DNAH2: variants seen among roughly 807,000 people sequenced by gnomAD.
DNAH2 encodes the protein dynein axonemal heavy chain 2.
Under a neutral mutation model 523.5 loss-of-function variants are expected in DNAH2, and 323 were observed. The ratio of observed to expected loss-of-function variants is 0.62; its 90% confidence interval spans 0.56 to 0.68. The LOEUF is 0.68. DNAH2 is among the 30% of genes least tolerant of loss of function. The pLI, the probability that DNAH2 is intolerant of heterozygous loss-of-function variation, is 0.00. For missense variants in DNAH2, 4,907 were observed against 5,701.5 expected, an observed-to-expected ratio of 0.86 and a Z score of 4.49; for synonymous variants, 2,093 against 2,177.4, an observed-to-expected ratio of 0.96 and a Z score of 1.08.
chr17:7,760,942 G>A lies in DNAH2; in HGVS notation c.2978+10G>A. Reference sequence around the variant, plus strand: ...TTGCCGACATTGCCCGGTGAGTGGTGAGGGTGGATTGAAAGTCTGTCTGTA... The same window carrying A: ...TTGCCGACATTGCCCGGTGAGTGGTAAGGGTGGATTGAAAGTCTGTCTGTA... On this transcript the variant is annotated intron_variant, in intron 18 of 85. Transcript: ENST00000572933. This position sits in a 1 kb window ranked among gnomAD's most constrained non-coding sequence, Gnocchi z 4.0. 6.2e-7 allele frequency: 1 copy of A among 1,604,032 alleles called. No homozygotes were observed. The highest frequency in any genetic ancestry group is 8.5e-7 in the Non-Finnish European group (1 of 1,170,826).
At chr17:7,745,649 G>A (rs1186895837) in intron 12 of DNAH2, among the ~76,000 whole-genome samples, 1 of 152,056 alleles carries the variant, frequency 6.6e-6, no homozygotes, top group African/African-American at 2.4e-5. Context: ...AATTAGCCGG[G>A]CATAGTGGTG....
chr17:7,767,094 C>A (rs571591924), intron 22 of DNAH2, among the ~76,000 whole-genome samples: 1 of 150,730 alleles, frequency 6.6e-6, no homozygotes, highest in Non-Finnish European at 1.5e-5. Flanking sequence ...CCCAGTCCCC[C>A]GTCCCCCGCC....
At chr17:7,819,849 C>T (rs2077804611) in intron 72 of DNAH2, among the ~76,000 whole-genome samples, 1 of 152,198 alleles carries the variant, frequency 6.6e-6, no homozygotes, top group Non-Finnish European at 1.5e-5. Context: ...ACAGACCCTT[C>T]AAGCTCAACT....
At chr17:7,784,556 A>T (rs1399101190) in intron 39 of DNAH2, among the ~76,000 whole-genome samples, 5 of 152,236 alleles carry the variant, frequency 3.3e-5, no homozygotes, top group Non-Finnish European at 7.3e-5. Flanking sequence ...TCAATAAAAT[A>T]AAATAAATAA....
chr17:7,768,393 G>T, intron 24 of DNAH2, 126 bp downstream of exon 24: 1 of 900,730 alleles, frequency 1.1e-6, no homozygotes, highest in Non-Finnish European at 1.7e-6. Flanking sequence ...ACAAATGTAT[G>T]TCTTTTTCTC....
chr17:7,758,713 G>A (rs1301576825), intron 14 of DNAH2, 62 bp downstream of exon 14: 1 of 1,574,370 alleles, frequency 6.4e-7, no homozygotes, highest in African/African-American at 1.4e-5. Context: ...ATACCTGAGT[G>A]TTGCATAGAG....
chr17:7,816,874 C>G (rs1165579667), intron 64 of DNAH2, 139 bp downstream of exon 64: 8 of 1,081,970 alleles, frequency 7.4e-6, no homozygotes, highest in Non-Finnish European at 1.0e-5. Flanking sequence ...GGCGTGGGAG[C>G]TCTTCCCCTC....
chr17:7,754,968 A>G lies in DNAH2; in HGVS notation c.1905-2123A>G. ...TTGGTACAAATAAGCCTGAGGCAGA[A>G]AAAAAAAAAAAAAGAATAGGCAGCC... On this transcript the variant is annotated intron_variant, in intron 12 of 85. Coordinates refer to ENST00000572933, the MANE Select transcript of DNAH2 (RefSeq NM_020877.5). The surrounding 1 kb of genome is among the most constrained non-coding windows in gnomAD (Gnocchi z 4.6). 1 of 298,650 alleles carries G rather than the reference A, an allele frequency of 3.3e-6. No individual in the cohort carries two copies. The highest frequency in any genetic ancestry group is 6.1e-6 in the Non-Finnish European group (1 of 164,510). The allele number at this position is 298,650 out of a possible 1,614,324, so 18.5% of individuals were successfully genotyped here.
At chr17:7,745,446 T>G (rs889075918) in intron 12 of DNAH2, among the ~76,000 whole-genome samples, 2 of 152,038 alleles carry the variant, frequency 1.3e-5, no homozygotes, top group African/African-American at 4.8e-5. Context: ...TGTACAACAC[T>G]CTCATGACAC....
chr17:7,830,663 AG>A lies in DNAH2; in HGVS notation c.12052del (p.Glu4018LysfsTer4), dbSNP rs773880376. 4.5e-5 allele frequency: 72 copies of A among 1,614,078 alleles called. No individual in the cohort carries two copies. Among genetic ancestry groups the A allele is most frequent in the Non-Finnish European group, 5.8e-5 (68 of 1,180,024 alleles). On this transcript the variant is annotated frameshift_variant, in exon 79 of 86. Transcript: ENST00000572933. LOFTEE classifies it high-confidence loss of function. ...GFNDSDFEVS[E>X]NLLSLYLDEY... The stretch of plus-strand genomic sequence containing the variant: ...TGGGCTGGGATCATGCCTAGGTGTC[AG>A]AAAACTTGCTGAGCCTCTATCTCGA...
chr17:7,755,551 C>A (rs774838843), intron 12 of DNAH2, among the ~76,000 whole-genome samples: 1 of 152,022 alleles, frequency 6.6e-6, no homozygotes, highest in Non-Finnish European at 1.5e-5. Context: ...GAAGAAAAAC[C>A]AGGGGTCAGT....
At chr17:7,741,247 T>C (rs1170959059) in intron 11 of DNAH2, among the ~76,000 whole-genome samples, 1 of 34,806 alleles carries the variant, frequency 2.9e-5, no homozygotes, top group Non-Finnish European at 5.0e-5. Flanking sequence ...TCTTTCTTTC[T>C]TTCTTTCTTT....
rs778194114 is a variant in DNAH2 at position 7,778,364 on chromosome 17, C to T, written c.5436C>T (p.Thr1812=). The part of the protein sequence containing the change: ...KGPAGTGKTE[T]VKDLGKALGI... ...CTGCAGGCACAGGCAAGACCGAGAC[C>T]GTCAAGGACCTGGGCAAGGCCCTGG... is the stretch of plus-strand genomic sequence containing the variant. Residue 1812 remains threonine, a synonymous_variant, in exon 35 of 86, where the codon ACC becomes ACT. Coordinates refer to ENST00000572933, the MANE Select transcript of DNAH2 (RefSeq NM_020877.5). 1.5e-5 allele frequency: 25 copies of T among 1,614,226 alleles called. No homozygotes were observed. Among genetic ancestry groups the T allele is most frequent in the East Asian group, 2.2e-5 (1 of 44,878 alleles).
At chr17:7,751,844 G>A (rs1336086821) in intron 12 of DNAH2, among the ~76,000 whole-genome samples, 7 of 151,954 alleles carry the variant, frequency 4.6e-5, no homozygotes, top group Non-Finnish European at 1.0e-4. Flanking sequence ...TATAGGAATA[G>A]AGATTTGGTT....
chr17:7,823,347 CAG>C lies in DNAH2; in HGVS notation c.11143-72_11143-71del, dbSNP rs71389703. 5.1e-3 allele frequency: 3,969 copies of C among 784,010 alleles called. 3 individuals carry two copies. The highest frequency in any genetic ancestry group is 0.021 in the South Asian group (973 of 47,222). The allele number at this position is 784,010 out of a possible 1,614,324, so 48.6% of individuals were successfully genotyped here. A position where few individuals can be genotyped will look rare whatever the true frequency, so the allele number is the denominator to read the frequency against. On this transcript the variant is annotated intron_variant, in intron 73 of 85. Transcript: ENST00000572933. Reference sequence around the variant, plus strand: ...TTTCCCACCGAGAGAGAGAAAAATACAGAGAGAGAGAGAGAGAGAGAGAGGAG... The same window carrying C: ...TTTCCCACCGAGAGAGAGAAAAATACAGAGAGAGAGAGAGAGAGAGAGGAG...
At chr17:7,762,055 T>C (rs2076020401) in intron 18 of DNAH2, among the ~76,000 whole-genome samples, 1 of 152,224 alleles carries the variant, frequency 6.6e-6, no homozygotes, top group South Asian at 2.1e-4. Flanking sequence ...CTGTGTGACT[T>C]TAGGCAGGTT....
intron 12 of DNAH2, among the ~76,000 whole-genome samples, chr17:7,750,667 G>A (rs2075658046): frequency 6.6e-6 from 1 of 152,090 alleles, no homozygotes; most frequent in African/African-American, 2.4e-5. Flanking sequence ...TAAATGCCTG[G>A]TGATTCATTG....
At chr17:7,784,104 A>G (rs2076673702) in intron 39 of DNAH2, among the ~76,000 whole-genome samples, 1 of 152,180 alleles carries the variant, frequency 6.6e-6, no homozygotes, top group Non-Finnish European at 1.5e-5. Flanking sequence ...GCTAAAAAGC[A>G]TTGCTAGAAA....
At chr17:7,812,730 G>A (rs1262186977) in intron 63 of DNAH2, among the ~76,000 whole-genome samples, 3 of 139,740 alleles carry the variant, frequency 2.1e-5, no homozygotes, top group African/African-American at 5.3e-5. Context: ...AGACCAGCCT[G>A]GCCAACATGG....
Sources: gnomAD v4.1 joint callset for allele counts (sites outside exome capture counted in the v4.1 genomes callset) on GRCh38, gnomAD v4.1.1 for gene constraint, Gnocchi (gnomAD v3.1) non-coding constraint, MANE v1.5 for transcripts, NCBI Gene and HGNC (gene_info 2026-07-23, HGNC 2026-07-21) for gene names.